Variants in PLEKHS1 observed in about 807,000 individuals in gnomAD.
PLEKHS1 encodes the protein pleckstrin homology domain containing S1.
PLEKHS1 carries 55 observed loss-of-function variants against 51.0 expected under a neutral mutation model. That is an observed-to-expected ratio of 1.08 (90% confidence interval 0.87 to 1.35). The LOEUF is 1.35. PLEKHS1 is among the 40% of genes most tolerant of loss of function. The probability of loss-of-function intolerance (pLI) is 0.00; values close to 1 mark genes in which losing one functional copy is unlikely to be tolerated. For missense variants in PLEKHS1, 398 were observed against 423.0 expected, an observed-to-expected ratio of 0.94 and a Z score of 0.52; for synonymous variants, 153 against 144.8, an observed-to-expected ratio of 1.06 and a Z score of -0.41.
chr10:113,777,675 G>A (rs1844738265), intron 11 of PLEKHS1: 2 of 1,526,684 alleles, frequency 1.3e-6, no homozygotes, highest in South Asian at 1.2e-5. Context: ...AAGGTGACTG[G>A]CACATATTAG....
chr10:113,780,503 C>A, intron 11 of PLEKHS1, 99 bp from the exon 13 acceptor site: 1 of 1,157,464 alleles, frequency 8.6e-7, no homozygotes, highest in Non-Finnish European at 1.3e-6. Flanking sequence ...GGACTTTCTT[C>A]AATACCAGCT....
intron 10 of PLEKHS1, 126 bp from the exon 11 acceptor site, chr10:113,775,639 T>C (rs1844615549): frequency 1.7e-6 from 1 of 592,926 alleles, no homozygotes; most frequent in East Asian, 2.8e-5. Flanking sequence ...ATTCTCCAAA[T>C]GTTTTGAACA....
intron 2 of PLEKHS1, among the ~76,000 whole-genome samples, chr10:113,762,398 C>G (rs1161816201): frequency 1.2e-5 from 1 of 81,594 alleles, no homozygotes; most frequent in Non-Finnish European, 2.4e-5. Context: ...AGTTTAGTTT[C>G]CTGAAACGTT....
intron 1 of PLEKHS1, among the ~76,000 whole-genome samples, chr10:113,752,742 G>A (rs1038764990): frequency 6.6e-6 from 1 of 152,200 alleles, no homozygotes; most frequent in Non-Finnish European, 1.5e-5. Context: ...TACGGTGGGT[G>A]GGGAGATGAA....
chr10:113,776,947 T>G (rs1240972484), intron 11 of PLEKHS1, among the ~76,000 whole-genome samples, 177 bp from the exon 12 acceptor site: 5 of 152,198 alleles, frequency 3.3e-5, no homozygotes, highest in African/African-American at 1.2e-4. Flanking sequence ...TGAGCTGGGC[T>G]TTGGAGGAAG....
At chr10:113,766,474 C>T (rs546633935) in exon 3 of PLEKHS1, 1 of 1,604,096 alleles carries the variant, frequency 6.2e-7, no homozygotes, top group East Asian at 2.2e-5. Flanking sequence ...ATTAAATCAC[C>T]ACCTTCTCAG....
intron 2 of PLEKHS1, among the ~76,000 whole-genome samples, chr10:113,759,336 G>C (rs1470292510): frequency 6.6e-6 from 1 of 152,200 alleles, no homozygotes; most frequent in Non-Finnish European, 1.5e-5. Flanking sequence ...CTGGGAGGCA[G>C]AGGTTGCAGT....
At chr10:113,761,148 T>C (rs1378968375) in intron 2 of PLEKHS1, among the ~76,000 whole-genome samples, 1 of 152,206 alleles carries the variant, frequency 6.6e-6, no homozygotes, top group Admixed American at 6.5e-5. Context: ...ATGTGTCTTA[T>C]CTGTCCTTAT....
exon 12 of PLEKHS1, chr10:113,781,603 A>T (rs1296081414): frequency 1.2e-5 from 1 of 82,406 alleles, no homozygotes; most frequent in African/African-American, 5.4e-5. Context: ...CTCCTTCCCA[A>T]CACCTCCTTC....
At chr10:113,769,658 G>A (rs1029362332) in intron 6 of PLEKHS1, 126 bp from the exon 7 acceptor site, 2 of 697,748 alleles carry the variant, frequency 2.9e-6, no homozygotes, top group African/African-American at 1.8e-5. Flanking sequence ...ATGCTGGCAG[G>A]CCAGCGGCAT....
intron 10 of PLEKHS1, 59 bp from the exon 11 acceptor site, chr10:113,775,706 T>G: frequency 3.4e-6 from 4 of 1,167,918 alleles, no homozygotes; most frequent in Non-Finnish European, 5.0e-6. Context: ...ACTCAGAAAG[T>G]ACAGTTGAGA....
intron 11 of PLEKHS1, among the ~76,000 whole-genome samples, chr10:113,780,214 G>T (rs766991847): frequency 6.6e-6 from 1 of 152,174 alleles, no homozygotes; most frequent in Non-Finnish European, 1.5e-5. Context: ...GACATGACAG[G>T]TTGCAGGAGA....
At chr10:113,770,953 T>A (rs1025827473) in intron 7 of PLEKHS1, among the ~76,000 whole-genome samples, 2 of 152,244 alleles carry the variant, frequency 1.3e-5, no homozygotes, top group African/African-American at 4.8e-5. Context: ...TCCGGCTCCA[T>A]GAGCTTGGAA....
intron 2 of PLEKHS1, among the ~76,000 whole-genome samples, chr10:113,759,290 G>A (rs181314800): frequency 8.8e-4 from 134 of 152,276 alleles, no homozygotes; most frequent in African/African-American, 3.2e-3. Context: ...TGTAATCCCA[G>A]CTACTCAGGA....
chr10:113,768,878 G>A, exon 6 of PLEKHS1: 2 of 1,613,106 alleles, frequency 1.2e-6, no homozygotes, highest in South Asian at 1.1e-5. Flanking sequence ...AAGCAACACA[G>A]CAGAACACAG....
At chr10:113,780,922 T>A in exon 12 of PLEKHS1, 2 of 739,418 alleles carry the variant, frequency 2.7e-6, no homozygotes, top group Non-Finnish European at 4.3e-6. Flanking sequence ...GGGATGACTA[T>A]CCCCTCTCTG....
chr10:113,752,423 C>A (rs1031416677), intron 1 of PLEKHS1, among the ~76,000 whole-genome samples: 1 of 152,114 alleles, frequency 6.6e-6, no homozygotes, highest in African/African-American at 2.4e-5. Context: ...AAAAATGCTA[C>A]CCATTATTAA....
At chr10:113,767,287 A>G (rs1413485731) in intron 4 of PLEKHS1, 58 bp from the exon 5 acceptor site, 2 of 1,266,870 alleles carry the variant, frequency 1.6e-6, no homozygotes, top group Non-Finnish European at 2.1e-6. Flanking sequence ...AATATAAAAT[A>G]TTAGTTTTCT....
chr10:113,753,442 A>G (rs1265345281), intron 1 of PLEKHS1, among the ~76,000 whole-genome samples: 1 of 152,232 alleles, frequency 6.6e-6, no homozygotes, highest in Non-Finnish European at 1.5e-5. Context: ...TTGCTCTTCC[A>G]GGAAACAACA....
Sources: gnomAD v4.1 joint callset for allele counts (sites outside exome capture counted in the v4.1 genomes callset) on GRCh38, gnomAD v4.1.1 for gene constraint, MANE v1.5 for transcripts, NCBI Gene and HGNC (gene_info 2026-07-23, HGNC 2026-07-21) for gene names.